PCDH11Y: variants seen among roughly 807,000 people sequenced by gnomAD.
PCDH11Y encodes protocadherin 11 Y-linked, also known as protocadherin-11 Y-linked.
For missense variants in PCDH11Y, 12 were observed against 224.8 expected (o/e 0.05, Z 6.05); for synonymous variants, 9 against 83.6 (o/e 0.11, Z 4.87).
At chrY:5,009,634 T>C in intron 1 of PCDH11Y, among the ~76,000 whole-genome samples, 1 of 34,223 alleles carries the variant, frequency 2.9e-5, no homozygotes, top group African/African-American at 1.1e-4. Flanking sequence ...CCAGGGCATA[T>C]GTGCGTTTGT....
chrY:5,195,645 T>C (rs2563117), intron 2 of PCDH11Y, among the ~76,000 whole-genome samples: 2 of 33,427 alleles, frequency 6.0e-5, no homozygotes, highest in Non-Finnish European at 1.5e-4. Context: ...AAGGTAAGAG[T>C]TGTATAGCTC....
intron 2 of PCDH11Y, among the ~76,000 whole-genome samples, chrY:5,478,759 T>G: frequency 3.0e-5 from 1 of 33,356 alleles, no homozygotes; most frequent in Non-Finnish European, 7.5e-5. Context: ...ATTGATCCCT[T>G]TACCATTATG....
At position 5,110,455 on chromosome Y, in the gene PCDH11Y, A is replaced by T. The variant is rs2563411; in HGVS notation, c.3129+9748A>T. 5.4e-3 allele frequency among the ~76,000 whole-genome samples: 178 copies of T among 33,023 alleles called. No homozygotes were observed. The East Asian group carries it at 0.12, about 23-fold the overall frequency. The allele number at this position is 33,023 out of a possible 37,273, so 88.6% of individuals were successfully genotyped here. On this transcript the variant is annotated intron_variant, in intron 2 of 4. Coordinates refer to the PCDH11Y transcript ENST00000400457. ...AGATTCCATCTCAAAAAAATTTTTT[A>T]AAATAAATAAATAAAAACATTTTCA...
At chrY:5,543,907 T>G in intron 3 of PCDH11Y, among the ~76,000 whole-genome samples, 1 of 33,176 alleles carries the variant, frequency 3.0e-5, no homozygotes, top group Admixed American at 2.8e-4. Context: ...GGCAGTAAGG[T>G]GATGGCAGAG....
chrY:5,593,530 A>C, intron 4 of PCDH11Y, among the ~76,000 whole-genome samples: 3 of 32,833 alleles, frequency 9.1e-5, no homozygotes, highest in Admixed American at 5.6e-4. Context: ...TTTTCAGCCC[A>C]GTGAAGAACC....
At chrY:5,261,390 G>T in intron 2 of PCDH11Y, among the ~76,000 whole-genome samples, 1 of 33,004 alleles carries the variant, frequency 3.0e-5, no homozygotes, top group Non-Finnish European at 7.4e-5. Flanking sequence ...CTTTGCCCAA[G>T]ATTCTGATAG....
intron 4 of PCDH11Y, among the ~76,000 whole-genome samples, chrY:5,733,444 C>T (rs1327328475): frequency 1.0e-4 from 3 of 29,650 alleles, no homozygotes; most frequent in Admixed American, 3.1e-4. Context: ...TATGTAGTTT[C>T]GTTGACAGGT....
intron 4 of PCDH11Y, among the ~76,000 whole-genome samples, chrY:5,736,053 A>T (rs2053609065): frequency 3.1e-5 from 1 of 32,180 alleles, no homozygotes; most frequent in Non-Finnish European, 7.6e-5. Flanking sequence ...GCTTTATTTC[A>T]TTGGCTAGAA....
chrY:5,312,555 G>A, intron 2 of PCDH11Y, among the ~76,000 whole-genome samples: 1 of 26,099 alleles, frequency 3.8e-5, no homozygotes, highest in Non-Finnish European at 8.7e-5. Flanking sequence ...ATATATATAA[G>A]AAATATATAT....
intron 2 of PCDH11Y, among the ~76,000 whole-genome samples, chrY:5,249,751 A>G (rs2053001872): frequency 3.1e-5 from 1 of 32,461 alleles, no homozygotes; most frequent in East Asian, 8.2e-4. Context: ...CATCAGAGTG[A>G]ACAGGCAACC....
chrY:5,422,661 G>T, intron 2 of PCDH11Y, among the ~76,000 whole-genome samples: 1 of 32,904 alleles, frequency 3.0e-5, no homozygotes, highest in Non-Finnish European at 7.5e-5. Context: ...AATGATTTTC[G>T]CCAAGAGTAC....
chrY:5,386,529 T>C, intron 2 of PCDH11Y, among the ~76,000 whole-genome samples: 1 of 33,126 alleles, frequency 3.0e-5, no homozygotes. Context: ...CCTAAACTTC[T>C]TGGAGGCTTT....
exon 2 of PCDH11Y, chrY:5,101,302 G>A: frequency 5.4e-6 from 1 of 184,219 alleles, no homozygotes; most frequent in Non-Finnish European, 6.7e-6. Context: ...ACAAGAATGG[G>A]ATTAGAAAAA....
At chrY:5,066,085 C>CT (rs2052686641) in intron 1 of PCDH11Y, among the ~76,000 whole-genome samples, 1 of 25,921 alleles carries the variant, frequency 3.9e-5, no homozygotes, top group African/African-American at 1.5e-4. Context: ...TTAAAATATC[C>CT]TTTTTCAAGC....
At chrY:5,496,542 A>G in intron 2 of PCDH11Y, among the ~76,000 whole-genome samples, 1 of 32,525 alleles carries the variant, frequency 3.1e-5, no homozygotes, top group Non-Finnish European at 7.5e-5. Context: ...TTACTATCTC[A>G]TTCTTTACAG....
intron 4 of PCDH11Y, among the ~76,000 whole-genome samples, chrY:5,684,279 G>T (rs2053561176): frequency 3.7e-5 from 1 of 27,385 alleles, no homozygotes; most frequent in Non-Finnish European, 9.9e-5. Context: ...TCTCATCCCA[G>T]TTAAAGTAAT....
intron 2 of PCDH11Y, among the ~76,000 whole-genome samples, chrY:5,243,213 G>A (rs369135560): frequency 8.2e-3 from 279 of 33,930 alleles, no homozygotes; most frequent in African/African-American, 0.03. Flanking sequence ...TTCATATAGT[G>A]TCTAATTATG....
intron 4 of PCDH11Y, among the ~76,000 whole-genome samples, chrY:5,662,234 T>C: frequency 3.2e-5 from 1 of 31,616 alleles, no homozygotes; most frequent in South Asian, 7.3e-4. Context: ...CTTTACAAAA[T>C]ATACTTCTTA....
At chrY:5,445,085 G>A in intron 2 of PCDH11Y, among the ~76,000 whole-genome samples, 3 of 22,814 alleles carry the variant, frequency 1.3e-4, no homozygotes, top group East Asian at 1.1e-3. Context: ...ACAAAGAGGC[G>A]CAAGGAAACT....
Sources: allele counts gnomAD v4.1 joint callset (sites outside exome capture counted in the v4.1 genomes callset), GRCh38; gene constraint gnomAD v4.1.1; transcripts MANE v1.5; gene names NCBI Gene and HGNC (gene_info 2026-07-23, HGNC 2026-07-21).